KDM6A: variants seen among roughly 807,000 people sequenced by gnomAD.
The protein encoded by KDM6A is lysine demethylase 6A.
In KDM6A, 11 loss-of-function variants were observed where a neutral mutation model predicts 117.6. That is an observed-to-expected ratio of 0.09 (90% confidence interval 0.06 to 0.15). The LOEUF (loss-of-function observed/expected upper bound fraction) is 0.15. Ranked by LOEUF, KDM6A falls within the 10% of genes least tolerant of loss-of-function variation. KDM6A has a pLI of 1.00. For missense variants in KDM6A, 799 were observed against 1,077.3 expected, an observed-to-expected ratio of 0.74 and a Z score of 3.62; for synonymous variants, 384 against 396.1, an observed-to-expected ratio of 0.97 and a Z score of 0.36.
chrX:44,876,194 A>G (rs992601179), intron 2 of KDM6A, among the ~76,000 whole-genome samples: 4 of 111,716 alleles, frequency 3.6e-5, no homozygotes, highest in African/African-American at 1.3e-4. Flanking sequence ...ATCAGCCTTA[A>G]CATTAAAATA....
At chrX:45,094,880 T>C (rs779299678) in intron 27 of KDM6A, among the ~76,000 whole-genome samples, 2 of 111,536 alleles carry the variant, frequency 1.8e-5, no homozygotes, top group East Asian at 5.6e-4. Flanking sequence ...CAATGTGTGA[T>C]GAGTAGTAAA....
chrX:44,897,179 A>T (rs1337693740), intron 2 of KDM6A, among the ~76,000 whole-genome samples: 2 of 79,502 alleles, frequency 2.5e-5, no homozygotes, highest in African/African-American at 4.9e-5. Flanking sequence ...TCTTGTTTAG[A>T]TTGACATAAT....
intron 6 of KDM6A, among the ~76,000 whole-genome samples, chrX:45,033,659 TTC>T (rs1465005036): frequency 9.1e-6 from 1 of 110,430 alleles, no homozygotes; most frequent in East Asian, 2.8e-4. Context: ...GTTCAAGGAA[TTC>T]TCCCGTCTCA....
intron 4 of KDM6A, among the ~76,000 whole-genome samples, chrX:44,979,998 CTTT>C (rs56817217): frequency 1.1e-4 from 8 of 71,278 alleles, no homozygotes; most frequent in Admixed American, 3.6e-4. Context: ...TCTTTCTTTC[CTTT>C]TTTTTTTTTT....
intron 2 of KDM6A, among the ~76,000 whole-genome samples, chrX:44,895,457 C>CTTT (rs1225560971): frequency 3.7e-5 from 3 of 81,724 alleles, no homozygotes; most frequent in East Asian, 4.3e-4. Context: ...TTATTGATTG[C>CTTT]TTTTTTTTTT....
At chrX:45,014,459 A>G (rs1220410485) in intron 5 of KDM6A, among the ~76,000 whole-genome samples, 2 of 111,937 alleles carry the variant, frequency 1.8e-5, no homozygotes, top group African/African-American at 3.3e-5. Flanking sequence ...AACTTAAAAG[A>G]TGCCCAGAAG....
chrX:45,027,818 A>G (rs1403095639), intron 6 of KDM6A, among the ~76,000 whole-genome samples: 1 of 103,861 alleles, frequency 9.6e-6, no homozygotes, highest in African/African-American at 3.6e-5. Context: ...TTTGAGACGG[A>G]GTTTCACTCT....
chrX:44,936,389 G>T (rs2036970274), intron 2 of KDM6A, among the ~76,000 whole-genome samples: 1 of 110,942 alleles, frequency 9.0e-6, no homozygotes, highest in Non-Finnish European at 1.9e-5. Context: ...CCCCCAAATA[G>T]GAACCAATAT....
chrX:45,102,321 T>C (rs2046364848), intron 27 of KDM6A, among the ~76,000 whole-genome samples: 2 of 111,852 alleles, frequency 1.8e-5, no homozygotes, highest in African/African-American at 6.5e-5. Flanking sequence ...GAACTAAGAA[T>C]TTCTTTGCTC....
chrX:45,041,118 G>A (rs1267466182), intron 8 of KDM6A, among the ~76,000 whole-genome samples: 13 of 72,004 alleles, frequency 1.8e-4, no homozygotes, highest in African/African-American at 6.2e-4. Flanking sequence ...CTGGCCGGGC[G>A]GGGGGCTGAC....
At position 45,082,632 on chromosome X, in the gene KDM6A, G is replaced by A. The variant is rs145084165; in HGVS notation, c.3357G>A (p.Ser1119=). ...ACCACTCAGATAGTGAATCTACATC[G>A]TCAGATAAGTAAGTCATTTTTAATG... ...HKDHSDSEST[S]SDNSGRRRKG... is the part of the protein sequence containing the mutation. The change falls in exon 22 of 30, where the codon TCG becomes TCA. Residue 1119 remains serine (S), a synonymous_variant. Transcript: ENST00000611820. 1.1e-5 allele frequency: 13 copies of A among 1,180,744 alleles called. No homozygotes were observed. The highest frequency in any genetic ancestry group is 3.5e-5 in the African/African-American group (2 of 56,411).
rs2046798935 is a variant in KDM6A at position 45,112,693 on chromosome X, G to C, written c.*1282G>C. 1 of 120,681 alleles carries C rather than the reference G, an allele frequency of 8.3e-6. No individual in the cohort carries two copies. The highest frequency in any genetic ancestry group is 3.2e-5 in the African/African-American group (1 of 30,953). 9.9% of individuals were successfully genotyped at this position (120,681 alleles called of 1,213,427 possible). ...CTTGACAAATCCTGTACAATACTTA[G>C]TACCATTTTATATGGAAAAGGGGAT... On this transcript the variant is annotated 3_prime_UTR_variant, in exon 30 of 30. Coordinates refer to ENST00000611820, the MANE Select transcript of KDM6A (RefSeq NM_001291415.2).
At chrX:45,061,971 T>A in intron 15 of KDM6A, among the ~76,000 whole-genome samples, 1 of 108,628 alleles carries the variant, frequency 9.2e-6, no homozygotes, top group South Asian at 4.0e-4. Flanking sequence ...GTATATAGGG[T>A]AAAGTTTTCT....
chrX:44,873,447 C>G lies in KDM6A; in HGVS notation c.-105C>G. 1 of 1,076,270 alleles carries G rather than the reference C, an allele frequency of 9.3e-7. No homozygotes were observed. The allele number at this position is 1,076,270 out of a possible 1,213,427, so 88.7% of individuals were successfully genotyped here. A position where few individuals can be genotyped will look rare whatever the true frequency, so the allele number is the denominator to read the frequency against. ...CCGCCCGCGGCGGAGGAGGAGGCGG[C>G]GATAAAGTTGGTGTGCTGGTCCCGC... On this transcript the variant is annotated 5_prime_UTR_variant, in exon 1 of 30. Transcript: ENST00000611820.
At chrX:44,955,358 C>G (rs1371844088) in intron 2 of KDM6A, among the ~76,000 whole-genome samples, 1 of 110,945 alleles carries the variant, frequency 9.0e-6, no homozygotes, top group East Asian at 2.8e-4. Context: ...ATAAAGGAGA[C>G]AGGAACCAGT....
chrX:44,963,416 A>G, intron 3 of KDM6A, among the ~76,000 whole-genome samples: 1 of 99,846 alleles, frequency 1.0e-5, no homozygotes, highest in Non-Finnish European at 2.0e-5. Flanking sequence ...GGATCATATC[A>G]CTGCACTCCA....
At chrX:44,896,367 G>A (rs1490352565) in intron 2 of KDM6A, among the ~76,000 whole-genome samples, 3 of 111,058 alleles carry the variant, frequency 2.7e-5, no homozygotes, top group Non-Finnish European at 3.8e-5. Context: ...GTGAGTCACC[G>A]CGCCCGGCCA....
At chrX:45,006,891 A>G (rs1413091600) in intron 4 of KDM6A, among the ~76,000 whole-genome samples, 2 of 109,976 alleles carry the variant, frequency 1.8e-5, no homozygotes, top group Non-Finnish European at 3.8e-5. Flanking sequence ...AGATCACACC[A>G]TTGCACTCCA....
intron 5 of KDM6A, among the ~76,000 whole-genome samples, chrX:45,018,204 G>T (rs1182049001): frequency 9.0e-6 from 1 of 111,237 alleles, no homozygotes; most frequent in African/African-American, 3.3e-5. Flanking sequence ...AGCAAGGAAA[G>T]TCCTTAAGGA....
Sources: gnomAD v4.1 joint callset for allele counts (sites outside exome capture counted in the v4.1 genomes callset) on GRCh38, gnomAD v4.1.1 for gene constraint, MANE v1.5 for transcripts, NCBI Gene and HGNC (gene_info 2026-07-23, HGNC 2026-07-21) for gene names.